VTI1A: variants seen among roughly 807,000 people sequenced by gnomAD.
VTI1A encodes the protein vesicle transport through interaction with t-SNAREs homolog 1A.
In VTI1A, 22 loss-of-function variants were observed where a neutral mutation model predicts 34.9. The ratio of observed to expected loss-of-function variants is 0.63; its 90% CI spans 0.45 to 0.90. VTI1A has a LOEUF of 0.90. VTI1A is among the 40% of genes least tolerant of loss of function. The pLI is 0.00. For synonymous variants in VTI1A, 87 were observed against 97.3 expected (o/e 0.89, Z 0.62); for missense variants, 268 against 275.6 (o/e 0.97, Z 0.20).
chr10:112,603,551 G>C (rs560484001), intron 5 of VTI1A, among the ~76,000 whole-genome samples: 1 of 152,042 alleles, frequency 6.6e-6, no homozygotes, highest in East Asian at 1.9e-4. Context: ...TTCCCAGTAG[G>C]TTTTTTTCCC....
At chr10:112,522,044 A>G (rs1850045182) in intron 3 of VTI1A, among the ~76,000 whole-genome samples, 1 of 152,116 alleles carries the variant, frequency 6.6e-6, no homozygotes, top group South Asian at 2.1e-4. Flanking sequence ...ATATTATTTA[A>G]TTAGAACCAG....
chr10:112,838,172 A>G, the VTI1A span, among the ~76,000 whole-genome samples: 1 of 152,228 alleles, frequency 6.6e-6, no homozygotes, highest in South Asian at 2.1e-4. Context: ...GCTGGGGCCA[A>G]GCCCGCAAGG....
At chr10:112,844,714 T>C in the VTI1A span, among the ~76,000 whole-genome samples, 1 of 152,242 alleles carries the variant, frequency 6.6e-6, no homozygotes, top group South Asian at 2.1e-4. Context: ...TCCTTTTTTA[T>C]AATTGAAAAT....
chr10:112,466,531 T>C (rs1427044757), intron 3 of VTI1A, among the ~76,000 whole-genome samples: 1 of 152,208 alleles, frequency 6.6e-6, no homozygotes, highest in African/African-American at 2.4e-5. Context: ...GAAAGGCTAG[T>C]TTTTCTCAGT....
the VTI1A span, among the ~76,000 whole-genome samples, chr10:112,830,319 T>G: frequency 2.0e-5 from 3 of 151,696 alleles, no homozygotes; most frequent in East Asian, 5.9e-4. Context: ...CCCCACCTCC[T>G]GTCTCCATTC....
intron 5 of VTI1A, among the ~76,000 whole-genome samples, chr10:112,645,011 A>G (rs1846719648): frequency 6.6e-6 from 1 of 152,246 alleles, no homozygotes; most frequent in African/African-American, 2.4e-5. Flanking sequence ...AAACGTATAG[A>G]TGAGGAAGGA....
chr10:112,583,863 A>G (rs1844048174), intron 5 of VTI1A, among the ~76,000 whole-genome samples: 1 of 152,214 alleles, frequency 6.6e-6, no homozygotes, highest in Non-Finnish European at 1.5e-5. Flanking sequence ...AGGTTTTCCT[A>G]TTTCAGCTCT....
chr10:112,757,277 C>G (rs536297571), intron 7 of VTI1A, among the ~76,000 whole-genome samples: 47 of 150,692 alleles, frequency 3.1e-4, no homozygotes, highest in African/African-American at 8.8e-4. Flanking sequence ...CCACACACAA[C>G]TTGCCCATTT....
intron 5 of VTI1A, among the ~76,000 whole-genome samples, chr10:112,562,348 C>A (rs1477713855): frequency 1.3e-5 from 2 of 152,092 alleles, no homozygotes; most frequent in African/African-American, 4.8e-5. Context: ...GTTTACCTTG[C>A]AGTTCTGCTT....
intron 5 of VTI1A, among the ~76,000 whole-genome samples, chr10:112,650,654 C>A (rs1482441418): frequency 6.6e-6 from 1 of 152,150 alleles, no homozygotes; most frequent in East Asian, 1.9e-4. Flanking sequence ...CACAAACACA[C>A]GAGTAATGCA....
At chr10:112,742,571 G>C (rs1850729332) in intron 7 of VTI1A, among the ~76,000 whole-genome samples, 1 of 152,218 alleles carries the variant, frequency 6.6e-6, no homozygotes, top group Non-Finnish European at 1.5e-5. Flanking sequence ...AAAGAGTCCA[G>C]GAGTGGAGGC....
chr10:112,813,086 T>C (rs1853376285), intron 7 of VTI1A, among the ~76,000 whole-genome samples: 1 of 152,190 alleles, frequency 6.6e-6, no homozygotes, highest in Admixed American at 6.5e-5. Context: ...AGAGGTGAAT[T>C]CCACATGGTC....
the VTI1A span, among the ~76,000 whole-genome samples, chr10:112,838,468 T>C: frequency 6.6e-6 from 1 of 151,752 alleles, no homozygotes; most frequent in Non-Finnish European, 1.5e-5. Context: ...AGATTACAAC[T>C]GGGAATGATC....
intron 3 of VTI1A, among the ~76,000 whole-genome samples, chr10:112,493,286 A>G (rs1848901096): frequency 6.6e-6 from 1 of 152,066 alleles, no homozygotes; most frequent in African/African-American, 2.4e-5. Flanking sequence ...ATGGAAATAC[A>G]ATTGATTTTT....
intron 7 of VTI1A, among the ~76,000 whole-genome samples, chr10:112,704,516 A>G (rs1849126387): frequency 1.3e-5 from 2 of 152,242 alleles, no homozygotes; most frequent in South Asian, 4.2e-4. Context: ...GTTCAGACTC[A>G]TTGTTAATCA....
At chr10:112,774,881 AT>A (rs1851913616) in intron 7 of VTI1A, among the ~76,000 whole-genome samples, 2 of 152,120 alleles carry the variant, frequency 1.3e-5, no homozygotes. Flanking sequence ...GTTTGAGGGG[AT>A]TGCTGTGCCC....
rs904858123 is a variant in VTI1A, at chr10:112,818,604, T to A, written c.*3221T>A. ...AGCCGTCAGTCCCAGAGGGGCTCAT[T>A]AAATCATAAAAACTTGACAAGGAAA... On this transcript the variant is annotated 3_prime_UTR_variant, in exon 8 of 8. Transcript: ENST00000393077. The A allele has an allele frequency of 1.6e-4, 36 of 220,604 alleles. No individual in the cohort carries two copies. The highest frequency in any genetic ancestry group is 3.6e-5 in the Non-Finnish European group (4 of 109,768). The allele number at this position is 220,604 out of a possible 1,614,324, so 13.7% of individuals were successfully genotyped here.
chr10:112,451,192 T>C (rs1180656010), intron 1 of VTI1A, among the ~76,000 whole-genome samples: 1 of 152,194 alleles, frequency 6.6e-6, no homozygotes, highest in African/African-American at 2.4e-5. Context: ...TCATGGACAA[T>C]TGCTTGGCCT....
chr10:112,714,046 CACTGT>C (rs1238240908), intron 7 of VTI1A, among the ~76,000 whole-genome samples: 2 of 152,154 alleles, frequency 1.3e-5, no homozygotes, highest in African/African-American at 4.8e-5. Flanking sequence ...TAGGTCTCCC[CACTGT>C]AACCCCATCC....
Sources: gnomAD v4.1 joint callset for allele counts (sites outside exome capture counted in the v4.1 genomes callset) on GRCh38, gnomAD v4.1.1 for gene constraint, MANE v1.5 for transcripts, NCBI Gene and HGNC (gene_info 2026-07-23, HGNC 2026-07-21) for gene names.